Variants in TFB1M observed in about 807,000 individuals in gnomAD.
The protein encoded by TFB1M is dimethyladenosine transferase 1, mitochondrial.
A neutral mutation model predicts 31.1 loss-of-function variants in TFB1M; 27 were observed. The ratio of observed to expected loss-of-function variants is 0.87; its 90% CI spans 0.64 to 1.20. TFB1M has a LOEUF of 1.20. Among genes scored for constraint, TFB1M ranks in the 50% most tolerant of loss-of-function variants. The pLI is 0.00. For missense variants in TFB1M, 394 were observed against 418.7 expected, an observed-to-expected ratio of 0.94 and a Z score of 0.51; for synonymous variants, 166 against 151.8, an observed-to-expected ratio of 1.09 and a Z score of -0.69.
At chr6:155,295,657 C>A (rs150009640) in intron 4 of TFB1M, among the ~76,000 whole-genome samples, 7 of 152,020 alleles carry the variant, frequency 4.6e-5, no homozygotes, top group African/African-American at 1.7e-4. Context: ...TACAGTCATC[C>A]GTCAGTATCT....
At chr6:155,273,056 C>T (rs1785009965) in intron 5 of TFB1M, among the ~76,000 whole-genome samples, 2 of 152,168 alleles carry the variant, frequency 1.3e-5, no homozygotes, top group Admixed American at 1.3e-4. Context: ...TTGAAGAATC[C>T]CTAAGCTGAA....
chr6:155,283,060 G>GT (rs1212219268), intron 5 of TFB1M, among the ~76,000 whole-genome samples: 1 of 152,148 alleles, frequency 6.6e-6, no homozygotes, highest in Non-Finnish European at 1.5e-5. Flanking sequence ...TTTGCTCAAT[G>GT]TAACTGTCAG....
the TFB1M span, chr6:155,245,797 A>C: frequency 9.1e-7 from 1 of 1,102,424 alleles, no homozygotes; most frequent in South Asian, 1.5e-5. Flanking sequence ...GTAAAGGGTA[A>C]ATCTGTATTT....
At chr6:155,255,585 CCCTT>C (rs980625544), downstream of TFB1M, 3 of 151,484 alleles carry the variant, frequency 2.0e-5, no homozygotes, top group South Asian at 2.1e-4. Context: ...ACTGAGAACT[CCCTT>C]CCTTCTTTCA....
chr6:155,269,703 G>T (rs1784837444), intron 5 of TFB1M, among the ~76,000 whole-genome samples: 1 of 152,178 alleles, frequency 6.6e-6, no homozygotes, highest in South Asian at 2.1e-4. Flanking sequence ...ACAGTACCTG[G>T]CATATGGAAA....
At chr6:155,251,060 G>A in the TFB1M span, 8 of 1,582,046 alleles carry the variant, frequency 5.1e-6, no homozygotes, top group Non-Finnish European at 6.9e-6. Flanking sequence ...CTGAACAGAG[G>A]CTGGGATTAC....
intron 3 of TFB1M, 150 bp downstream of exon 3, chr6:155,298,327 G>C (rs549893998): frequency 1.7e-6 from 1 of 579,786 alleles, no homozygotes; most frequent in Non-Finnish European, 3.0e-6. Flanking sequence ...CAAGTAGCAA[G>C]AGAAAATTAT....
At chr6:155,244,876 T>C in the TFB1M span, 2 of 1,410,462 alleles carry the variant, frequency 1.4e-6, no homozygotes, top group Admixed American at 2.3e-5. Flanking sequence ...GAATTTCTTG[T>C]CCTGTGACTA....
downstream of TFB1M, among the ~76,000 whole-genome samples, chr6:155,251,314 TTTGC>T (rs1328026168): frequency 1.3e-5 from 2 of 152,204 alleles, no homozygotes; most frequent in Non-Finnish European, 2.9e-5. Context: ...GAGACGAGGT[TTTGC>T]TCTTGTTGCC....
At chr6:155,284,301 A>G (rs1372832564) in intron 5 of TFB1M, among the ~76,000 whole-genome samples, 2 of 152,140 alleles carry the variant, frequency 1.3e-5, no homozygotes, top group Non-Finnish European at 2.9e-5. Context: ...ATTTTTTTCC[A>G]TGCTATCTCT....
At chr6:155,250,424 T>C in the TFB1M span, 2 of 783,140 alleles carry the variant, frequency 2.6e-6, no homozygotes, top group Non-Finnish European at 3.9e-6. Flanking sequence ...CTTGTGCTTC[T>C]CAAGCCAGCA....
intron 2 of TFB1M, 108 bp from the exon 3 acceptor site, chr6:155,298,693 C>A: frequency 1.4e-6 from 1 of 736,366 alleles, no homozygotes; most frequent in South Asian, 1.5e-5. Flanking sequence ...AGTCAGAGAC[C>A]AGGGGTGATC....
At chr6:155,287,514 T>C (rs1371102801) in intron 4 of TFB1M, among the ~76,000 whole-genome samples, 3 of 149,608 alleles carry the variant, frequency 2.0e-5, no homozygotes, top group Non-Finnish European at 3.0e-5. Context: ...GCTATTTGTA[T>C]AAAATCTTGA....
the TFB1M span, chr6:155,249,974 G>A: frequency 3.1e-6 from 5 of 1,608,658 alleles, no homozygotes; most frequent in East Asian, 6.7e-5. Context: ...AAGGAGGTCC[G>A]TGAGACATCT....
chr6:155,244,891 CTATT>C, the TFB1M span: 15 of 1,315,308 alleles, frequency 1.1e-5, no homozygotes, highest in African/African-American at 1.5e-5. Flanking sequence ...TGACTATTGA[CTATT>C]TATTGTCCTG....
chr6:155,237,873 C>T, the TFB1M span, among the ~76,000 whole-genome samples: 2 of 152,366 alleles, frequency 1.3e-5, no homozygotes, highest in South Asian at 4.1e-4. Flanking sequence ...GAAGGGCTGC[C>T]AAGACCTCTG....
intron 2 of TFB1M, among the ~76,000 whole-genome samples, chr6:155,307,136 TAC>T (rs61677970): frequency 0.036 from 5,276 of 147,230 alleles, 108 homozygotes; most frequent in African/African-American, 0.056. Flanking sequence ...CTCAAACACA[TAC>T]ACACACACAC....
chr6:155,255,478 C>A (rs1017169165), downstream of TFB1M: 1 of 151,990 alleles, frequency 6.6e-6, no homozygotes, highest in Admixed American at 6.6e-5. Context: ...ATCAGTGTGA[C>A]CTCTTCAGAT....
the TFB1M span, among the ~76,000 whole-genome samples, chr6:155,238,705 A>G: frequency 6.6e-6 from 1 of 152,226 alleles, no homozygotes; most frequent in South Asian, 2.1e-4. Flanking sequence ...TGCTGCCTCT[A>G]TTCATTTAAT....
Sources: allele counts gnomAD v4.1 joint callset (sites outside exome capture counted in the v4.1 genomes callset), GRCh38; gene constraint gnomAD v4.1.1; transcripts MANE v1.5; gene names NCBI Gene and HGNC (gene_info 2026-07-23, HGNC 2026-07-21).